The following ZFHX3 variants were observed in gnomAD, a reference collection of about 807,000 sequenced individuals.
The protein encoded by ZFHX3 is zinc finger homeobox 3, also known as zinc finger homeobox protein 3.
A neutral mutation model predicts 279.1 loss-of-function variants in ZFHX3; 42 were observed. That is an observed-to-expected ratio of 0.15 (90% confidence interval 0.12 to 0.19). The LOEUF (loss-of-function observed/expected upper bound fraction) is 0.19. Among genes scored for constraint, ZFHX3 ranks in the 10% least tolerant of loss-of-function variants. The probability of loss-of-function intolerance (pLI) is 1.00; values close to 1 mark genes in which losing one functional copy is unlikely to be tolerated. For missense variants in ZFHX3, 4,981 were observed against 4,754.0 expected, an observed-to-expected ratio of 1.05 and a Z score of -1.40; for synonymous variants, 2,293 against 1,957.8, an observed-to-expected ratio of 1.17 and a Z score of -4.52.
At position 72,837,919 on chromosome 16, in the gene ZFHX3, C is replaced by T. The variant is rs2037238647; in HGVS notation, c.3449-8060G>A. Among the ~76,000 whole-genome samples the T allele has an allele frequency of 2.6e-5, 4 of 152,182 alleles. No individual in the cohort carries two copies. The South Asian group carries it at 8.3e-4, about 32-fold the overall frequency. On this transcript the variant is annotated intron_variant, in intron 4 of 9. Coordinates refer to ENST00000268489, the MANE Select transcript of ZFHX3 (RefSeq NM_006885.4). Reference sequence around the variant, plus strand: ...GCCTGGACCTACAAACTCTTTTTCACATGGATCCTTTAAGTAATCATTTTA... The same window carrying T: ...GCCTGGACCTACAAACTCTTTTTCATATGGATCCTTTAAGTAATCATTTTA...
At chr16:73,575,205 G>A (rs1047703025) in intron 2 of ZFHX3, among the ~76,000 whole-genome samples, 11 of 152,160 alleles carry the variant, frequency 7.2e-5, no homozygotes, top group Non-Finnish European at 1.2e-4. Flanking sequence ...TGGAATATGT[G>A]AGAATAGAAC....
chr16:72,829,940 C>T, intron 4 of ZFHX3, 81 bp from the exon 5 acceptor site: 1 of 1,439,642 alleles, frequency 6.9e-7, no homozygotes, highest in Non-Finnish European at 9.7e-7. Flanking sequence ...AAACAACTGC[C>T]AACGACAGAA....
rs1185742401 is a variant in ZFHX3 at position 72,788,756 on chromosome 16, A to G, written c.9520T>C (p.Ser3174Pro). 3.2e-6 allele frequency: 5 copies of G among 1,577,446 alleles called. No homozygotes were observed. The highest frequency in any genetic ancestry group is 4.3e-6 in the Non-Finnish European group (5 of 1,163,052). The change falls in exon 10 of 10, where the codon TCC (serine) becomes CCC (proline). Residue 3174 changes from serine (S) to proline (P), a missense_variant. By Grantham distance (74) the Ser-to-Pro change is moderately conservative (BLOSUM62 -1). Around this residue, in one of 7 missense-constraint regions of ZFHX3, gnomAD observed 1,034 missense variants for 786.0 expected, o/e 1.32. Transcript: ENST00000268489. ...GTTGGGGAGCTCAGCGACGCTGAGG[A>G]CGGTTTATTTGGTAATCCAGAAGTG... ...LPTSGLPNKP[S>P]SASLSSPTPA... is the part of the protein sequence containing the mutation.
chr16:73,515,924 C>T (rs1024426303), intron 2 of ZFHX3, among the ~76,000 whole-genome samples: 1 of 152,232 alleles, frequency 6.6e-6, no homozygotes, highest in African/African-American at 2.4e-5. Flanking sequence ...ATTATATTCT[C>T]TGTGCAAATG....
chr16:73,137,500 G>A (rs8047311), intron 6 of ZFHX3: 2 of 152,092 alleles, frequency 1.3e-5, no homozygotes, highest in Admixed American at 6.6e-5. Flanking sequence ...TTTTGTTTCC[G>A]TTTTAGTTTA....
intron 4 of ZFHX3, among the ~76,000 whole-genome samples, chr16:73,290,036 CACACACACACACACAT>C (rs1380878150): frequency 6.8e-6 from 1 of 146,468 alleles, no homozygotes; most frequent in Non-Finnish European, 1.5e-5. Flanking sequence ...CACACACACA[CACACACACACACACAT>C]ATAGACATTT....
At chr16:73,081,138 C>T (rs998602620) in intron 8 of ZFHX3, 8 of 152,244 alleles carry the variant, frequency 5.3e-5, no homozygotes, top group African/African-American at 1.9e-4. Flanking sequence ...CTACCAAAAC[C>T]TCACTGTCCC....
chr16:73,871,054 G>A lies in ZFHX3; in HGVS notation c.-1608+20597C>T, dbSNP rs149088619. Among the ~76,000 whole-genome samples the A allele has an allele frequency of 1.3e-3, 199 of 152,262 alleles. 2 individuals carry two copies. Among genetic ancestry groups the A allele is most frequent in the African/African-American group, 4.6e-3 (193 of 41,542 alleles). ...AGGAAGCCATGCAAGAGACTTTCGT[G>A]GGTCAGACGGATGAGAATAGGTATC... On this transcript the variant is annotated intron_variant, in intron 1 of 17. Coordinates refer to the ZFHX3 transcript ENST00000641206.
intron 5 of ZFHX3, among the ~76,000 whole-genome samples, chr16:73,227,493 A>G (rs1336318109): frequency 6.6e-6 from 1 of 152,130 alleles, no homozygotes; most frequent in Non-Finnish European, 1.5e-5. Context: ...AATTTTTTTA[A>G]GAAAAGGAAT....
intron 2 of ZFHX3, among the ~76,000 whole-genome samples, chr16:73,538,120 C>G (rs1048522208): frequency 2.6e-5 from 4 of 152,120 alleles, no homozygotes; most frequent in African/African-American, 9.7e-5. Context: ...TGAATATGAG[C>G]AGCAAGTCAT....
At chr16:73,283,084 C>G (rs1034232333) in intron 4 of ZFHX3, among the ~76,000 whole-genome samples, 3 of 152,206 alleles carry the variant, frequency 2.0e-5, no homozygotes, top group African/African-American at 4.8e-5. Context: ...TTTGTGAACT[C>G]CTGGCTAACT....
intron 1 of ZFHX3, among the ~76,000 whole-genome samples, chr16:72,993,271 G>C (rs981813080): frequency 2.6e-5 from 4 of 152,200 alleles, no homozygotes; most frequent in African/African-American, 9.6e-5. Context: ...CAAGCACCCT[G>C]TATGGCCCAC....
intron 3 of ZFHX3, among the ~76,000 whole-genome samples, chr16:72,907,145 C>T (rs934268184): frequency 6.6e-6 from 1 of 152,160 alleles, no homozygotes; most frequent in African/African-American, 2.4e-5. Flanking sequence ...TCTATGGACG[C>T]TTTTATATTA....
chr16:72,871,775 C>A (rs2038167857), intron 4 of ZFHX3, among the ~76,000 whole-genome samples: 1 of 149,788 alleles, frequency 6.7e-6, no homozygotes, highest in South Asian at 2.2e-4. Context: ...CCAAGCCTGG[C>A]CAAAATTTTA....
rs184076874 is a variant in ZFHX3 at position 73,260,308 on chromosome 16, T to C, written c.-1193-3172A>G. ...TTGGTTAGAGTGGTGTCTGCTAGGT[T>C]TCTATTGTCCTTTTTGTAATTGGTA... On this transcript the variant is annotated intron_variant, in intron 4 of 17. Transcript: ENST00000641206. Among the ~76,000 whole-genome samples the C allele has an allele frequency of 2.5e-3, 382 of 152,284 alleles. 1 individual carries two copies. Among genetic ancestry groups the C allele is most frequent in the Admixed American group, 5.1e-3 (78 of 15,302 alleles).
rs368597124 is a variant in ZFHX3, at chr16:73,334,810, C to CTTTTTTT, written c.-1290-16481_-1290-16475dup. On this transcript the variant is annotated intron_variant, in intron 3 of 17. Transcript: ENST00000641206. The stretch of plus-strand genomic sequence containing the variant: ...TCTTTTCCTCCTTTTCTTTCTCATT[C>CTTTTTTT]TTTTTTTTTTTTTTTTTTTTTTTTT... 1.2e-3 allele frequency among the ~76,000 whole-genome samples: 70 copies of CTTTTTTT among 57,902 alleles called. 10 individuals carry two copies. The highest frequency in any genetic ancestry group is 1.7e-3 in the East Asian group (4 of 2,424). The allele number at this position is 57,902 out of a possible 152,430, so 38.0% of individuals were successfully genotyped here. A position where few individuals can be genotyped will look rare whatever the true frequency, so the allele number is the denominator to read the frequency against.
chr16:73,603,385 T>C (rs186676496), intron 2 of ZFHX3, among the ~76,000 whole-genome samples: 16 of 151,956 alleles, frequency 1.1e-4, no homozygotes, highest in Admixed American at 7.2e-4. Context: ...TCAGATGTAA[T>C]ACAACTGGCT....
chr16:73,177,189 AC>A, intron 5 of ZFHX3, among the ~76,000 whole-genome samples: 1 of 152,076 alleles, frequency 6.6e-6, no homozygotes, highest in African/African-American at 2.4e-5. Context: ...CAACCAACCA[AC>A]CAACCAAATA....
intron 1 of ZFHX3, among the ~76,000 whole-genome samples, chr16:73,055,465 C>A (rs1249670887): frequency 6.6e-6 from 1 of 152,120 alleles, no homozygotes; most frequent in Non-Finnish European, 1.5e-5. Context: ...GGGTTTTGGC[C>A]TCTGAGCAGC....
Sources: gnomAD v4.1 joint callset for allele counts (sites outside exome capture counted in the v4.1 genomes callset) on GRCh38, gnomAD v4.1.1 for gene constraint, gnomAD v4.1.1 regional missense constraint, MANE v1.5 for transcripts, NCBI Gene and HGNC (gene_info 2026-07-23, HGNC 2026-07-21) for gene names.